Variants in ATRNL1 observed in about 807,000 individuals in gnomAD.
ATRNL1 encodes the protein attractin like 1, also known as attractin-like protein 1.
Under a neutral mutation model 182.7 loss-of-function variants are expected in ATRNL1, and 95 were observed. The observed-to-expected ratio is 0.52, with a 90% CI of 0.44 to 0.62. ATRNL1 has a LOEUF of 0.62. Among genes scored for constraint, ATRNL1 ranks in the 20% least tolerant of loss-of-function variants. The pLI, the probability that ATRNL1 is intolerant of heterozygous loss-of-function variation, is 0.00. For missense variants in ATRNL1, 1,471 were observed against 1,679.5 expected, an observed-to-expected ratio of 0.88 and a Z score of 2.17; for synonymous variants, 576 against 568.3, an observed-to-expected ratio of 1.01 and a Z score of -0.19.
At chr10:115,824,936 C>A (rs1950393488) in intron 27 of ATRNL1, among the ~76,000 whole-genome samples, 2 of 152,146 alleles carry the variant, frequency 1.3e-5, no homozygotes, top group Non-Finnish European at 2.9e-5. Context: ...AAGATACATG[C>A]TCACATATGT....
chr10:115,508,471 A>C lies in ATRNL1; in HGVS notation c.3655-10792A>C, dbSNP rs372859926. 2.6e-4 allele frequency among the ~76,000 whole-genome samples: 39 copies of C among 152,166 alleles called. 1 individual carries two copies. The South Asian group carries it at 7.9e-3, about 31-fold the overall frequency. ...GCATGTTGAATGCCAATACGGCCGAAATCTAGGCCTCTTGTCCGAAGAATT... is the reference window on the plus strand; with the variant it reads ...GCATGTTGAATGCCAATACGGCCGACATCTAGGCCTCTTGTCCGAAGAATT... On this transcript the variant is annotated intron_variant, in intron 24 of 28. Transcript: ENST00000355044.
At chr10:115,241,072 G>A (rs1009282960) in intron 9 of ATRNL1, among the ~76,000 whole-genome samples, 1 of 151,868 alleles carries the variant, frequency 6.6e-6, no homozygotes, top group Non-Finnish European at 1.5e-5. Flanking sequence ...TGTTCATGTT[G>A]TGAAAAATCA....
chr10:115,644,987 C>T (rs765602349), intron 26 of ATRNL1, among the ~76,000 whole-genome samples: 1 of 152,052 alleles, frequency 6.6e-6, no homozygotes, highest in Non-Finnish European at 1.5e-5. Flanking sequence ...GATAGAAAGG[C>T]GTATATCACT....
At chr10:115,866,911 T>C (rs1482594346) in intron 28 of ATRNL1, among the ~76,000 whole-genome samples, 1 of 152,226 alleles carries the variant, frequency 6.6e-6, no homozygotes, top group Admixed American at 6.5e-5. Context: ...TTGGTAAATT[T>C]ACATCATGTG....
intron 28 of ATRNL1, among the ~76,000 whole-genome samples, chr10:115,851,341 T>C (rs944760511): frequency 5.4e-5 from 8 of 147,238 alleles, no homozygotes; most frequent in African/African-American, 2.0e-4. Context: ...GCCATCTCTT[T>C]TCAGGAGCAG....
chr10:115,500,364 C>T (rs781890166), intron 24 of ATRNL1, among the ~76,000 whole-genome samples: 5 of 152,108 alleles, frequency 3.3e-5, no homozygotes, highest in African/African-American at 4.8e-5. Context: ...AGAATTTGGT[C>T]CAAACCTTAG....
chr10:115,126,566 G>GATGTAAT (rs1554873583), intron 3 of ATRNL1, among the ~76,000 whole-genome samples: 1 of 152,130 alleles, frequency 6.6e-6, no homozygotes, highest in African/African-American at 2.4e-5. Flanking sequence ...TAACCTAGTA[G>GATGTAAT]ATGTAATAAT....
rs1333795148 is a variant in ATRNL1, at chr10:115,168,105, T to C, written c.1092+2460T>C. Among the ~76,000 whole-genome samples the C allele has an allele frequency of 3.9e-5, 6 of 152,282 alleles. 1 individual carries two copies. In the East Asian group the frequency reaches 1.2e-3, roughly 29 times the overall value. On this transcript the variant is annotated intron_variant, in intron 7 of 28. Transcript: ENST00000355044. ...TATACTATGTATGTTATGACTACCA[T>C]ATTTCACTTAGCATAATTTCAAGGT...
rs925221509 is a variant in ATRNL1 at position 115,374,390 on chromosome 10, T to C, written c.3176-20269T>C. 4.6e-5 allele frequency among the ~76,000 whole-genome samples: 7 copies of C among 151,514 alleles called. No individual in the cohort carries two copies. In the East Asian group the frequency reaches 1.3e-3, roughly 29 times the overall value. On this transcript the variant is annotated intron_variant, in intron 19 of 28. Coordinates refer to ENST00000355044, the MANE Select transcript of ATRNL1 (RefSeq NM_207303.4). ...TGATTTTTATTATTTCTGCCTCCCT[T>C]CTGCTCACTTTGGACTCAACTTTCT...
Position 115,847,947 on chromosome 10 carries a change from G to A in ATRNL1, c.3974G>A (p.Cys1325Tyr). Residue 1325 changes from cysteine to tyrosine, a missense_variant, in exon 28 of 29, where the codon TGT becomes TAT. By Grantham distance (194) the Cys-to-Tyr change is radical. Coordinates refer to ENST00000355044, the MANE Select transcript of ATRNL1 (RefSeq NM_207303.4). ...NRAAVLTVFL[C>Y]LPRGSSGAPP... ...GCTGCTGTTCTGACTGTGTTTCTTTGTCTACCACGAGGATCATCAGGTGCC... is the reference window on the plus strand; with the variant it reads ...GCTGCTGTTCTGACTGTGTTTCTTTATCTACCACGAGGATCATCAGGTGCC... 2.5e-6 allele frequency: 4 copies of A among 1,612,724 alleles called. No homozygotes were observed. Among genetic ancestry groups the A allele is most frequent in the Non-Finnish European group, 3.4e-6 (4 of 1,179,056 alleles).
chr10:115,507,143 A>C (rs1455257356), intron 24 of ATRNL1, among the ~76,000 whole-genome samples: 3 of 152,076 alleles, frequency 2.0e-5, no homozygotes, highest in Non-Finnish European at 4.4e-5. Context: ...GGTAGATAAG[A>C]GACAAATGGT....
At chr10:115,323,050 A>G (rs2134036520) in intron 18 of ATRNL1, among the ~76,000 whole-genome samples, 1 of 152,112 alleles carries the variant, frequency 6.6e-6, no homozygotes, top group Middle Eastern at 3.4e-3. Flanking sequence ...TTCAGAAATG[A>G]TGTTTTCAAA....
At chr10:115,266,563 T>A (rs1278132999) in intron 11 of ATRNL1, among the ~76,000 whole-genome samples, 1 of 151,686 alleles carries the variant, frequency 6.6e-6, no homozygotes, top group Non-Finnish European at 1.5e-5. Flanking sequence ...ATATTAAGAT[T>A]TATAGAATAT....
chr10:115,616,195 A>G (rs951405522), intron 26 of ATRNL1, among the ~76,000 whole-genome samples: 8 of 152,202 alleles, frequency 5.3e-5, no homozygotes, highest in African/African-American at 1.9e-4. Flanking sequence ...GCTGCATTGT[A>G]TTGTTGCCCT....
chr10:115,467,630 CAATG>C (rs1339619738), intron 23 of ATRNL1, among the ~76,000 whole-genome samples: 1 of 150,470 alleles, frequency 6.6e-6, no homozygotes, highest in Non-Finnish European at 1.5e-5. Context: ...TTATATAAAA[CAATG>C]AAATTCTTCT....
chr10:115,348,366 A>T (rs1856072469), intron 19 of ATRNL1, among the ~76,000 whole-genome samples: 1 of 152,168 alleles, frequency 6.6e-6, no homozygotes, highest in Non-Finnish European at 1.5e-5. Context: ...GGTACTTTAT[A>T]TGTTGTATAA....
intron 21 of ATRNL1, among the ~76,000 whole-genome samples, chr10:115,441,546 A>T (rs1291289263): frequency 6.6e-6 from 1 of 151,640 alleles, no homozygotes; most frequent in East Asian, 1.9e-4. Flanking sequence ...ACTTGACCTT[A>T]TCAGTTCCCA....
intron 19 of ATRNL1, among the ~76,000 whole-genome samples, chr10:115,368,804 C>G (rs1554947093): frequency 6.6e-6 from 1 of 151,834 alleles, no homozygotes; most frequent in Non-Finnish European, 1.5e-5. Flanking sequence ...ACCACCGCCT[C>G]CTGGGTTCAA....
At chr10:115,825,492 C>G (rs782193564) in intron 27 of ATRNL1, among the ~76,000 whole-genome samples, 12 of 152,152 alleles carry the variant, frequency 7.9e-5, no homozygotes, top group Non-Finnish European at 1.8e-4. Context: ...ACTTGGTACA[C>G]TCATGCTTAA....
Sources: allele counts gnomAD v4.1 joint callset (sites outside exome capture counted in the v4.1 genomes callset), GRCh38; gene constraint gnomAD v4.1.1; transcripts MANE v1.5; gene names NCBI Gene and HGNC (gene_info 2026-07-23, HGNC 2026-07-21).